IQSEC1: variants seen among roughly 807,000 people sequenced by gnomAD.
IQSEC1 encodes the protein IQ motif and SEC7 domain-containing protein 1.
In IQSEC1, 31 loss-of-function variants were observed where a neutral mutation model predicts 91.0. That is an observed-to-expected ratio of 0.34 (90% CI 0.26 to 0.46). The LOEUF (loss-of-function observed/expected upper bound fraction) is 0.46. Among genes scored for constraint, IQSEC1 ranks in the 20% least tolerant of loss-of-function variants. The pLI is 1.00. For missense variants in IQSEC1, 1,388 were observed against 1,575.6 expected, an observed-to-expected ratio of 0.88 and a Z score of 2.02; for synonymous variants, 699 against 662.6, an observed-to-expected ratio of 1.05 and a Z score of -0.84.
intron 1 of IQSEC1, among the ~76,000 whole-genome samples, chr3:13,182,807 A>G (rs745781362): frequency 9.2e-5 from 14 of 152,218 alleles, no homozygotes; most frequent in Non-Finnish European, 1.8e-4. Context: ...TGAAAGAAAT[A>G]TTTATAGCAT....
chr3:13,196,749 C>CGTGTGCGT (rs1694134656), intron 1 of IQSEC1, among the ~76,000 whole-genome samples: 1 of 148,386 alleles, frequency 6.7e-6, no homozygotes, highest in Non-Finnish European at 1.5e-5. Context: ...CATGTGTGTG[C>CGTGTGCGT]GTGTGTGTGT....
intron 1 of IQSEC1, among the ~76,000 whole-genome samples, chr3:13,252,575 G>A (rs1314701558): frequency 6.6e-6 from 1 of 152,184 alleles, no homozygotes; most frequent in Admixed American, 6.5e-5. Flanking sequence ...TGGGATTGCG[G>A]GATGCAATGG....
At chr3:13,019,690 G>C (rs903496300) in intron 1 of IQSEC1, among the ~76,000 whole-genome samples, 1 of 152,182 alleles carries the variant, frequency 6.6e-6, no homozygotes, top group Non-Finnish European at 1.5e-5. Context: ...CCACAGGGGC[G>C]CCTGGCAGTT....
At chr3:13,156,032 AACATGT>A (rs935868457) in intron 2 of IQSEC1, among the ~76,000 whole-genome samples, 1 of 150,186 alleles carries the variant, frequency 6.7e-6, no homozygotes, top group Admixed American at 6.7e-5. Context: ...CAGTCTGCCC[AACATGT>A]AGAAACTCCG....
At chr3:13,014,308 A>T (rs1350703768) in intron 1 of IQSEC1, among the ~76,000 whole-genome samples, 1 of 152,126 alleles carries the variant, frequency 6.6e-6, no homozygotes, top group Non-Finnish European at 1.5e-5. Context: ...TCACCATCTA[A>T]GCCTCACAAC....
At chr3:13,020,414 A>G (rs1364240245) in intron 1 of IQSEC1, among the ~76,000 whole-genome samples, 1 of 152,190 alleles carries the variant, frequency 6.6e-6, no homozygotes, top group Non-Finnish European at 1.5e-5. Flanking sequence ...AAGACCCGCC[A>G]TTGAGGCTGA....
At chr3:13,171,876 G>A (rs868404224) in intron 1 of IQSEC1, among the ~76,000 whole-genome samples, 2 of 152,204 alleles carry the variant, frequency 1.3e-5, no homozygotes, top group Admixed American at 1.3e-4. Flanking sequence ...TAGAGGTAAG[G>A]GGCAAGCGTC....
At chr3:13,263,360 A>G (rs1695422991) in intron 1 of IQSEC1, among the ~76,000 whole-genome samples, 1 of 144,934 alleles carries the variant, frequency 6.9e-6, no homozygotes, top group Non-Finnish European at 1.5e-5. Flanking sequence ...TGCATTTATC[A>G]CTATTTTAAA....
At chr3:13,231,290 CCCA>C (rs1186388281) in intron 1 of IQSEC1, among the ~76,000 whole-genome samples, 2 of 152,068 alleles carry the variant, frequency 1.3e-5, no homozygotes, top group Admixed American at 1.3e-4. Flanking sequence ...TGTGTGTGTG[CCCA>C]CGTGTGCACA....
rs1698197390 is a variant in IQSEC1, at chr3:12,936,341, C to T, written c.675G>A (p.Leu225=). The change falls in exon 3 of 14, where the codon CTG becomes CTA. Residue 225 remains leucine (L), a synonymous_variant. Transcript: ENST00000613206. ...SSDFADAITE[L]EDAFSRQVKS... ...TCACTTGCCTAGAGAAGGCGTCCTC[C>T]AGCTCGGTGATGGCGTCCGCAAAGT... is the stretch of plus-strand genomic sequence containing the variant. 1 of 1,608,124 alleles carries T rather than the reference C, an allele frequency of 6.2e-7. No homozygotes were observed. Among genetic ancestry groups the T allele is most frequent in the African/African-American group, 1.3e-5 (1 of 74,838 alleles).
intron 1 of IQSEC1, among the ~76,000 whole-genome samples, chr3:12,960,025 G>A (rs1286283404): frequency 6.6e-6 from 1 of 152,090 alleles, no homozygotes; most frequent in African/African-American, 2.4e-5. Flanking sequence ...CCCTCCCCCA[G>A]CAGCAGAGGA....
chr3:13,204,396 C>T (rs1429715157), intron 1 of IQSEC1, among the ~76,000 whole-genome samples: 1 of 152,288 alleles, frequency 6.6e-6, no homozygotes, highest in Non-Finnish European at 1.5e-5. Context: ...CGCCCCACAT[C>T]GGCCGAGGTT....
chr3:13,117,735 A>G (rs941873937), intron 2 of IQSEC1, among the ~76,000 whole-genome samples: 4 of 151,218 alleles, frequency 2.6e-5, no homozygotes, highest in Admixed American at 2.6e-4. Flanking sequence ...AAATACAAAA[A>G]TTAGCCGGGC....
At chr3:12,937,837 C>G (rs1322117036) in intron 2 of IQSEC1, among the ~76,000 whole-genome samples, 3 of 152,210 alleles carry the variant, frequency 2.0e-5, no homozygotes, top group African/African-American at 7.2e-5. Flanking sequence ...AACACATACT[C>G]AAGAGGCCTT....
chr3:12,906,715 C>T (rs1219122747), intron 12 of IQSEC1, among the ~76,000 whole-genome samples: 1 of 152,236 alleles, frequency 6.6e-6, no homozygotes, highest in Non-Finnish European at 1.5e-5. Context: ...AACCCCCAAG[C>T]TCTGGCAGAG....
chr3:13,129,510 T>G (rs914730516), intron 2 of IQSEC1, among the ~76,000 whole-genome samples: 4 of 152,174 alleles, frequency 2.6e-5, no homozygotes, highest in Non-Finnish European at 2.9e-5. Flanking sequence ...TCTTCGTCCT[T>G]TGGGTTTAAT....
intron 1 of IQSEC1, among the ~76,000 whole-genome samples, chr3:13,247,169 C>T (rs1237347541): frequency 6.6e-6 from 1 of 152,170 alleles, no homozygotes. Flanking sequence ...CGGTTGCTAA[C>T]TCATCCATAA....
intron 2 of IQSEC1, among the ~76,000 whole-genome samples, chr3:13,108,036 TA>T (rs1706182156): frequency 2.4e-5 from 1 of 42,544 alleles, no homozygotes; most frequent in Non-Finnish European, 4.9e-5. Flanking sequence ...TAAAAAAGCA[TA>T]AAGGAAAAAA....
chr3:13,029,470 A>G (rs922426084), intron 1 of IQSEC1, among the ~76,000 whole-genome samples: 2 of 152,234 alleles, frequency 1.3e-5, no homozygotes, highest in Admixed American at 6.5e-5. Context: ...CTGGCTTGGA[A>G]GTCTTTCTCA....
Sources: gnomAD v4.1 joint callset for allele counts (sites outside exome capture counted in the v4.1 genomes callset) on GRCh38, gnomAD v4.1.1 for gene constraint, MANE v1.5 for transcripts, NCBI Gene and HGNC (gene_info 2026-07-23, HGNC 2026-07-21) for gene names.